HCN1: variants seen among roughly 807,000 people sequenced by gnomAD.
HCN1 encodes the protein potassium/sodium hyperpolarization-activated cyclic nucleotide-gated channel 1.
In HCN1, 13 loss-of-function variants were observed where a neutral mutation model predicts 78.9. That is an observed-to-expected ratio of 0.16 (90% CI 0.11 to 0.26). The LOEUF is 0.26. Ranked by LOEUF, HCN1 falls within the 10% of genes least tolerant of loss-of-function variation. The pLI is 1.00. For missense variants in HCN1, 810 were observed against 1,154.3 expected (o/e 0.70, Z 4.32); for synonymous variants, 552 against 455.5 (o/e 1.21, Z -2.70).
intron 6 of HCN1, among the ~76,000 whole-genome samples, chr5:45,275,813 A>T (rs770201693): frequency 6.6e-6 from 1 of 152,136 alleles, no homozygotes; most frequent in African/African-American, 2.4e-5. Flanking sequence ...TATCAAAGCT[A>T]AGAAGGGTAA....
intron 4 of HCN1, among the ~76,000 whole-genome samples, chr5:45,374,118 T>G (rs1333815497): frequency 8.7e-6 from 1 of 114,308 alleles, no homozygotes; most frequent in Admixed American, 1.2e-4. Flanking sequence ...ATATACATAA[T>G]ATATATAATA....
chr5:45,492,779 G>A (rs1051446479), intron 2 of HCN1, among the ~76,000 whole-genome samples: 8 of 152,078 alleles, frequency 5.3e-5, no homozygotes, highest in Admixed American at 3.3e-4. Flanking sequence ...TGGGATCACA[G>A]GTGTGAGTGT....
chr5:45,581,612 T>C (rs1322344976), intron 2 of HCN1, among the ~76,000 whole-genome samples: 1 of 152,182 alleles, frequency 6.6e-6, no homozygotes, highest in Non-Finnish European at 1.5e-5. Context: ...ATGTCCTGAA[T>C]GGTATTGCCT....
At chr5:45,444,741 G>T (rs1239115854) in intron 3 of HCN1, among the ~76,000 whole-genome samples, 1 of 151,748 alleles carries the variant, frequency 6.6e-6, no homozygotes, top group African/African-American at 2.4e-5. Context: ...TGCATCTTTG[G>T]TGACTTCAAC....
intron 2 of HCN1, among the ~76,000 whole-genome samples, chr5:45,538,744 C>T (rs902914194): frequency 3.3e-5 from 5 of 151,834 alleles, no homozygotes; most frequent in African/African-American, 1.2e-4. Context: ...ATTGACATAC[C>T]AATAGAAAAC....
chr5:45,671,891 G>T (rs1165249687), intron 1 of HCN1, among the ~76,000 whole-genome samples: 3 of 151,514 alleles, frequency 2.0e-5, no homozygotes, highest in East Asian at 3.9e-4. Context: ...ATGTAAGTTT[G>T]CAGATAATAG....
chr5:45,512,303 A>T (rs867917282), intron 2 of HCN1, among the ~76,000 whole-genome samples: 1 of 152,120 alleles, frequency 6.6e-6, no homozygotes, highest in South Asian at 2.1e-4. Flanking sequence ...GTCTTCTGGA[A>T]TATGGTATGG....
rs568099715 is a variant in HCN1, at chr5:45,277,073, A to G, written c.1619-9820T>C. Among the ~76,000 whole-genome samples, 4 of 152,198 alleles carry G rather than the reference A, an allele frequency of 2.6e-5. No homozygotes were observed. In the South Asian group the frequency reaches 8.3e-4, roughly 32 times the overall value. On this transcript the variant is annotated intron_variant, in intron 6 of 7. Transcript: ENST00000303230. ...TAGTCCTGGTCTACACTATTATTTTAGGGCTCTTCAGGAAAAACTTCGTGT... is the reference window on the plus strand; with the variant it reads ...TAGTCCTGGTCTACACTATTATTTTGGGGCTCTTCAGGAAAAACTTCGTGT...
At position 45,255,950 on chromosome 5, in the gene HCN1, C is replaced by A. The variant is rs1344286451; in HGVS notation, c.*5971G>T. On this transcript the variant is annotated 3_prime_UTR_variant, in exon 8 of 8. Transcript: ENST00000303230. ...CGTTACCTGAATTCAATTATATAAT[C>A]TATTGGAAACATAAAGTGGTCCTCT... 1 of 151,868 alleles carries A rather than the reference C, an allele frequency of 6.6e-6. No individual in the cohort carries two copies. The highest frequency in any genetic ancestry group is 6.6e-5 in the Admixed American group (1 of 15,248). 9.4% of individuals were successfully genotyped at this position (151,868 alleles called of 1,614,324 possible).
chr5:45,347,476 A>G (rs1174014523), intron 5 of HCN1, among the ~76,000 whole-genome samples: 1 of 152,226 alleles, frequency 6.6e-6, no homozygotes, highest in Non-Finnish European at 1.5e-5. Context: ...CTCCAAAGGA[A>G]CGCAGTTGGT....
At chr5:45,528,816 C>A (rs1742788502) in intron 2 of HCN1, among the ~76,000 whole-genome samples, 1 of 151,800 alleles carries the variant, frequency 6.6e-6, no homozygotes, top group African/African-American at 2.4e-5. Context: ...AAAATATAGA[C>A]CATGTCATTA....
intron 4 of HCN1, among the ~76,000 whole-genome samples, chr5:45,358,525 C>T (rs1747048576): frequency 6.6e-6 from 1 of 152,028 alleles, no homozygotes; most frequent in African/African-American, 2.4e-5. Flanking sequence ...TCATGACCAG[C>T]TTCTTAACTA....
In HCN1 at chr5:45,290,098, G is replaced by A. The variant is rs181887247; in HGVS notation, c.1618+13501C>T. On this transcript the variant is annotated intron_variant, in intron 6 of 7. Coordinates refer to ENST00000303230, the MANE Select transcript of HCN1 (RefSeq NM_021072.4). ...TCTTGTGACAGTGAATAACTGTCAC[G>A]AGATCTGATGGTTTTATAAAGGGCA... is the stretch of plus-strand genomic sequence containing the variant. Among the ~76,000 whole-genome samples the A allele has an allele frequency of 9.6e-4, 146 of 151,912 alleles. No homozygotes were observed. In the East Asian group the frequency reaches 0.023, roughly 24 times the overall value.
chr5:45,499,762 G>A lies in HCN1; in HGVS notation c.850-37755C>T, dbSNP rs1742150928. ...TATGTCTATGTATATCTCTATGTCA[G>A]GAGACAGAAATATAACAGTATTTCC... On this transcript the variant is annotated intron_variant, in intron 2 of 7. Transcript: ENST00000303230. Among the ~76,000 whole-genome samples the A allele has an allele frequency of 2.0e-5, 3 of 152,300 alleles. No homozygotes were observed. The South Asian group carries it at 6.2e-4, about 32-fold the overall frequency.
At chr5:45,623,238 T>C (rs1441394554) in intron 2 of HCN1, among the ~76,000 whole-genome samples, 1 of 152,192 alleles carries the variant, frequency 6.6e-6, no homozygotes, top group Non-Finnish European at 1.5e-5. Flanking sequence ...GTCTTTCTCC[T>C]TGACACTGAA....
chr5:45,469,075 TTA>T (rs1741335981), intron 2 of HCN1, among the ~76,000 whole-genome samples: 1 of 151,986 alleles, frequency 6.6e-6, no homozygotes, highest in Non-Finnish European at 1.5e-5. Flanking sequence ...TATTTTAATA[TTA>T]TAGAGTCATA....
intron 2 of HCN1, among the ~76,000 whole-genome samples, chr5:45,470,759 A>C (rs1741374666): frequency 6.6e-6 from 1 of 151,982 alleles, no homozygotes; most frequent in South Asian, 2.1e-4. Flanking sequence ...TATGTGCAGA[A>C]AGTAATATTA....
chr5:45,428,863 T>A (rs1740407574), intron 3 of HCN1, among the ~76,000 whole-genome samples: 1 of 152,042 alleles, frequency 6.6e-6, no homozygotes, highest in African/African-American at 2.4e-5. Flanking sequence ...CTATATATAT[T>A]ATACACAATA....
intron 3 of HCN1, among the ~76,000 whole-genome samples, chr5:45,415,319 C>T (rs956191340): frequency 1.3e-5 from 2 of 151,946 alleles, no homozygotes; most frequent in South Asian, 2.1e-4. Context: ...TCTAGTTACA[C>T]GTCAAATCAT....
Sources: gnomAD v4.1 joint callset for allele counts (sites outside exome capture counted in the v4.1 genomes callset) on GRCh38, gnomAD v4.1.1 for gene constraint, MANE v1.5 for transcripts, NCBI Gene and HGNC (gene_info 2026-07-23, HGNC 2026-07-21) for gene names.